CCDC149: variants seen among roughly 807,000 people sequenced by gnomAD.
CCDC149 encodes coiled-coil domain-containing protein 149.
Under a neutral mutation model 59.9 loss-of-function variants are expected in CCDC149, and 45 were observed. The observed-to-expected ratio is 0.75, with a 90% CI of 0.59 to 0.96. The LOEUF (loss-of-function observed/expected upper bound fraction) is 0.96. Ranked by LOEUF, CCDC149 falls within the 40% of genes least tolerant of loss-of-function variation. The pLI is 0.00. For synonymous variants in CCDC149, 245 were observed against 260.6 expected (o/e 0.94, Z 0.58); for missense variants, 584 against 664.7 (o/e 0.88, Z 1.33).
intron 8 of CCDC149, among the ~76,000 whole-genome samples, chr4:24,832,394 C>T (rs894543287): frequency 1.3e-5 from 2 of 152,146 alleles, no homozygotes; most frequent in African/African-American, 2.4e-5. Context: ...GGAAAGAGTA[C>T]ATTATGCAAA....
Position 24,822,477 on chromosome 4 carries a change from T to C in CCDC149, c.1042+20A>G. 6.9e-7 allele frequency: 1 copy of C among 1,457,100 alleles called. No homozygotes were observed. Among genetic ancestry groups the C allele is most frequent in the Non-Finnish European group, 9.1e-7 (1 of 1,100,288 alleles). 90.3% of individuals were successfully genotyped at this position (1,457,100 alleles called of 1,614,324 possible). On this transcript the variant is annotated intron_variant, in intron 10 of 12. Transcript: ENST00000635206. ...AAGAAAAAAAAAAAAGGAAAATTGT[T>C]TTCATGAGGTTCTGTTTACCTGGAA...
intron 1 of CCDC149, among the ~76,000 whole-genome samples, chr4:24,878,705 G>A (rs1257766658): frequency 1.3e-5 from 2 of 152,148 alleles, no homozygotes; most frequent in African/African-American, 2.4e-5. Context: ...AAAGACACTC[G>A]TGCCTTCCGA....
chr4:24,928,512 A>G (rs1226999350), intron 1 of CCDC149, among the ~76,000 whole-genome samples: 1 of 152,170 alleles, frequency 6.6e-6, no homozygotes, highest in African/African-American at 2.4e-5. Context: ...TCATGAAATC[A>G]CTGACTCCTT....
chr4:24,831,860 A>G (rs1424303259), intron 8 of CCDC149, among the ~76,000 whole-genome samples: 1 of 152,250 alleles, frequency 6.6e-6, no homozygotes, highest in Non-Finnish European at 1.5e-5. Context: ...GACTTTCATC[A>G]GCAATTTTTA....
chr4:24,944,887 T>C (rs1442895402), intron 1 of CCDC149, among the ~76,000 whole-genome samples: 1 of 152,212 alleles, frequency 6.6e-6, no homozygotes, highest in African/African-American at 2.4e-5. Context: ...CGACCACTGG[T>C]AAGGTCATCA....
At chr4:24,860,860 T>G (rs1279128407) in intron 3 of CCDC149, among the ~76,000 whole-genome samples, 6 of 152,138 alleles carry the variant, frequency 3.9e-5, no homozygotes, top group Non-Finnish European at 8.8e-5. Context: ...TCAACATCAC[T>G]AATTATCAGG....
At chr4:24,970,965 T>C (rs761589370) in intron 1 of CCDC149, among the ~76,000 whole-genome samples, 12 of 152,198 alleles carry the variant, frequency 7.9e-5, no homozygotes, top group Admixed American at 7.9e-4. Flanking sequence ...GCCCTCATCC[T>C]GTTATGGATG....
chr4:24,835,879 A>T (rs1716482857), intron 7 of CCDC149, among the ~76,000 whole-genome samples: 1 of 152,172 alleles, frequency 6.6e-6, no homozygotes, highest in South Asian at 2.1e-4. Flanking sequence ...AACACTTACA[A>T]CTAACATCTG....
At chr4:24,886,306 C>T (rs1308978560) in intron 1 of CCDC149, among the ~76,000 whole-genome samples, 2 of 152,202 alleles carry the variant, frequency 1.3e-5, no homozygotes, top group Non-Finnish European at 2.9e-5. Flanking sequence ...CACCAACCAC[C>T]AGGTCTTGTT....
intron 1 of CCDC149, among the ~76,000 whole-genome samples, chr4:24,886,745 C>T (rs1276599227): frequency 1.3e-5 from 2 of 152,062 alleles, no homozygotes; most frequent in African/African-American, 4.8e-5. Context: ...TACACAGAAA[C>T]ACAGGAGTGC....
At position 24,912,828 on chromosome 4, in the gene CCDC149, G is replaced by T; in HGVS notation, c.52C>A (p.Leu18Met). The T allele has an allele frequency of 7.3e-7, 1 of 1,367,654 alleles. No individual in the cohort carries two copies. The highest frequency in any genetic ancestry group is 9.6e-7 in the Non-Finnish European group (1 of 1,045,900). 84.7% of individuals were successfully genotyped at this position (1,367,654 alleles called of 1,614,324 possible). Residue 18 changes from leucine (L) to methionine (M), a missense_variant, in exon 1 of 13, where the codon CTG (leucine) becomes ATG (methionine). Coordinates refer to ENST00000635206, the MANE Select transcript of CCDC149 (RefSeq NM_001330643.2). ...CGCCGCGGCCTCACCTCGCTCACCA[G>T]CCCCTGCCAGTCGCTCTCAGTCCGG...
intron 1 of CCDC149, among the ~76,000 whole-genome samples, chr4:24,921,617 C>A (rs1435095521): frequency 2.0e-5 from 3 of 152,192 alleles, no homozygotes; most frequent in African/African-American, 7.2e-5. Flanking sequence ...AAAGACTGGA[C>A]AGGGTCTTTC....
chr4:24,831,664 A>C lies in CCDC149; in HGVS notation c.821-14T>G. On this transcript the variant is annotated splice_polypyrimidine_tract_variant and intron_variant, in intron 8 of 12. Coordinates refer to ENST00000635206, the MANE Select transcript of CCDC149 (RefSeq NM_001330643.2). ...GCAGATCCTGAACTAGATAGGATAC[A>C]AAATGTATAACTCAGTCGTCATTCT... 3 of 1,610,536 alleles carry C rather than the reference A, an allele frequency of 1.9e-6. No individual in the cohort carries two copies. The highest frequency in any genetic ancestry group is 2.5e-6 in the Non-Finnish European group (3 of 1,178,448).
intron 8 of CCDC149, 137 bp downstream of exon 8, chr4:24,834,811 G>A (rs554885200): frequency 1.3e-5 from 7 of 538,204 alleles, no homozygotes; most frequent in South Asian, 7.2e-5. Context: ...TCTGATGCAC[G>A]TGGAAGTCGG....
intron 1 of CCDC149, among the ~76,000 whole-genome samples, chr4:24,889,118 C>T (rs1019793506): frequency 8.5e-5 from 13 of 152,144 alleles, no homozygotes; most frequent in African/African-American, 2.9e-4. Context: ...ACAGTCTTGG[C>T]TAACCGAAGT....
chr4:24,835,143 G>A (rs1451419180), intron 7 of CCDC149, 111 bp from the exon 8 acceptor site: 2 of 643,126 alleles, frequency 3.1e-6, no homozygotes, highest in Admixed American at 4.9e-5. Context: ...CAAACTCCAA[G>A]TGCTAGCCTA....
intron 12 of CCDC149, among the ~76,000 whole-genome samples, chr4:24,812,099 A>T (rs1279169981): frequency 6.6e-6 from 1 of 152,060 alleles, no homozygotes; most frequent in East Asian, 1.9e-4. Context: ...ATGATATTGC[A>T]TTTTTGGCCC....
intron 12 of CCDC149, among the ~76,000 whole-genome samples, chr4:24,812,000 G>T (rs779823598): frequency 2.6e-5 from 4 of 152,154 alleles, no homozygotes; most frequent in Non-Finnish European, 5.9e-5. Context: ...GTTTGTGGCT[G>T]CATCCTTCCA....
At chr4:24,857,561 G>C (rs1718097933) in intron 3 of CCDC149, among the ~76,000 whole-genome samples, 1 of 151,228 alleles carries the variant, frequency 6.6e-6, no homozygotes, top group South Asian at 2.1e-4. Flanking sequence ...ATGGAAACTA[G>C]AGTAAAGAAG....
Sources: allele counts gnomAD v4.1 joint callset (sites outside exome capture counted in the v4.1 genomes callset), GRCh38; gene constraint gnomAD v4.1.1; transcripts MANE v1.5; gene names NCBI Gene and HGNC (gene_info 2026-07-23, HGNC 2026-07-21).